Variants in SDK1 observed in about 807,000 individuals in gnomAD.
The protein encoded by SDK1 is sidekick cell adhesion molecule 1.
In SDK1, 157 loss-of-function variants were observed where a neutral mutation model predicts 245.5. The ratio of observed to expected loss-of-function variants is 0.64; its 90% CI spans 0.56 to 0.73. The LOEUF is 0.73. Ranked by LOEUF, SDK1 falls within the 30% of genes least tolerant of loss-of-function variation. The pLI is 0.00. For synonymous variants in SDK1, 1,647 were observed against 1,278.5 expected, an observed-to-expected ratio of 1.29 and a Z score of -6.15; for missense variants, 3,583 against 3,002.3, an observed-to-expected ratio of 1.19 and a Z score of -4.52.
chr7:3,888,229 T>C (rs962079583), intron 5 of SDK1, among the ~76,000 whole-genome samples: 10 of 152,236 alleles, frequency 6.6e-5, no homozygotes, highest in African/African-American at 2.4e-4. Context: ...TCCCACGTTG[T>C]TGTGAAAACT....
intron 1 of SDK1, among the ~76,000 whole-genome samples, chr7:3,534,511 A>G (rs1778813253): frequency 6.6e-6 from 1 of 152,194 alleles, no homozygotes; most frequent in South Asian, 2.1e-4. Context: ...AACAATATAT[A>G]GCATTCAAAT....
chr7:3,321,599 C>G (rs1482843477), intron 1 of SDK1, among the ~76,000 whole-genome samples: 1 of 152,116 alleles, frequency 6.6e-6, no homozygotes, highest in Non-Finnish European at 1.5e-5. Flanking sequence ...AAGTTACTTT[C>G]CAAAGAAACA....
chr7:3,305,366 C>T (rs1323386530), intron 1 of SDK1, among the ~76,000 whole-genome samples: 1 of 152,116 alleles, frequency 6.6e-6, no homozygotes, highest in Non-Finnish European at 1.5e-5. Flanking sequence ...GTTGGTTAAT[C>T]CCATAATGTC....
At chr7:3,599,809 C>T (rs1351245272) in intron 1 of SDK1, among the ~76,000 whole-genome samples, 2 of 152,158 alleles carry the variant, frequency 1.3e-5, no homozygotes, top group African/African-American at 2.4e-5. Context: ...TCTTTGATCC[C>T]TCTATGAATA....
At chr7:4,140,841 C>T (rs1779535289) in intron 28 of SDK1, among the ~76,000 whole-genome samples, 1 of 152,182 alleles carries the variant, frequency 6.6e-6, no homozygotes. Flanking sequence ...GTGGCTCATA[C>T]CTGCAATCCC....
At chr7:4,025,457 C>T (rs948760329) in intron 17 of SDK1, among the ~76,000 whole-genome samples, 2 of 152,170 alleles carry the variant, frequency 1.3e-5, no homozygotes, top group African/African-American at 4.8e-5. Context: ...TGCAGATCAC[C>T]TCTGTGCACA....
At chr7:4,237,883 C>T in intron 42 of SDK1, 99 bp downstream of exon 42, 5 of 1,405,792 alleles carry the variant, frequency 3.6e-6, no homozygotes, top group Non-Finnish European at 4.9e-6. Flanking sequence ...GTCTGCTTTT[C>T]CATTTCATTT....
At chr7:4,016,695 G>T (rs1301549111) in intron 16 of SDK1, among the ~76,000 whole-genome samples, 1 of 152,148 alleles carries the variant, frequency 6.6e-6, no homozygotes, top group African/African-American at 2.4e-5. Context: ...GCTGATTCTT[G>T]TTCTGGGATA....
intron 1 of SDK1, among the ~76,000 whole-genome samples, chr7:3,563,881 C>G (rs908523925): frequency 6.6e-6 from 1 of 151,986 alleles, no homozygotes; most frequent in Non-Finnish European, 1.5e-5. Flanking sequence ...TAAGAAATTA[C>G]TAATAAAATG....
At chr7:3,755,129 G>A (rs1250534149) in intron 4 of SDK1, among the ~76,000 whole-genome samples, 1 of 152,146 alleles carries the variant, frequency 6.6e-6, no homozygotes, top group Non-Finnish European at 1.5e-5. Flanking sequence ...CCAGAGGGGT[G>A]GGAAAGCTTC....
At chr7:3,483,035 G>A (rs1443885233) in intron 1 of SDK1, among the ~76,000 whole-genome samples, 1 of 151,280 alleles carries the variant, frequency 6.6e-6, no homozygotes, top group Non-Finnish European at 1.5e-5. Flanking sequence ...TTGTCATATT[G>A]TAAACTTTTT....
intron 5 of SDK1, among the ~76,000 whole-genome samples, chr7:3,826,444 T>G (rs1378354704): frequency 6.6e-6 from 1 of 152,252 alleles, no homozygotes; most frequent in East Asian, 1.9e-4. Context: ...TTGTTTCTTC[T>G]TGGCGACGTG....
Position 3,478,154 on chromosome 7 carries a change from G to A in SDK1, c.299-140926G>A, listed in dbSNP as rs529787904. On this transcript the variant is annotated intron_variant, in intron 1 of 44. Transcript: ENST00000404826. The stretch of plus-strand genomic sequence containing the variant: ...TTTGTAATATATTTTAATGTTTTCA[G>A]GGAAAATATCCCTCATTATTTTCCT... Among the ~76,000 whole-genome samples the A allele has an allele frequency of 1.2e-3, 178 of 152,116 alleles. 2 individuals carry two copies. The highest frequency in any genetic ancestry group is 4.1e-3 in the African/African-American group (170 of 41,502).
At chr7:3,701,915 G>A (rs1279834484) in intron 4 of SDK1, among the ~76,000 whole-genome samples, 6 of 127,158 alleles carry the variant, frequency 4.7e-5, no homozygotes, top group African/African-American at 1.3e-4. Context: ...GTGGTTGGAC[G>A]TGCATAAGCA....
chr7:3,604,252 G>A (rs555694547), intron 1 of SDK1, among the ~76,000 whole-genome samples: 30 of 152,288 alleles, frequency 2.0e-4, no homozygotes, highest in African/African-American at 6.7e-4. Flanking sequence ...AGTTTCAGAA[G>A]GATTGGTACC....
intron 4 of SDK1, among the ~76,000 whole-genome samples, chr7:3,667,289 C>T (rs1944134036): frequency 1.3e-5 from 2 of 152,190 alleles, no homozygotes; most frequent in African/African-American, 4.8e-5. Context: ...ACTGCAGCAT[C>T]TACTTATTCC....
chr7:3,600,863 A>G (rs746984045), intron 1 of SDK1, among the ~76,000 whole-genome samples: 1 of 152,092 alleles, frequency 6.6e-6, no homozygotes, highest in East Asian at 1.9e-4. Flanking sequence ...AGGTTTTTAA[A>G]AATTGATTTT....
chr7:4,178,209 T>A lies in SDK1; in HGVS notation c.4997-276T>A, dbSNP rs531065439. ...AGGGGTTGGGGACCCCTGTTCTAAATCCTTTACTTTAGAGGAGGGAGCTCC... is the reference window on the plus strand; with the variant it reads ...AGGGGTTGGGGACCCCTGTTCTAAAACCTTTACTTTAGAGGAGGGAGCTCC... On this transcript the variant is annotated intron_variant, in intron 34 of 44. Transcript: ENST00000404826. 3.3e-5 allele frequency among the ~76,000 whole-genome samples: 5 copies of A among 152,280 alleles called. No individual in the cohort carries two copies. In the East Asian group the frequency reaches 5.8e-4, roughly 18 times the overall value.
chr7:3,749,222 C>T lies in SDK1; in HGVS notation c.714-72228C>T, dbSNP rs558316016. On this transcript the variant is annotated intron_variant, in intron 4 of 44. Transcript: ENST00000404826. The stretch of plus-strand genomic sequence containing the variant: ...CATAATCTCTGCTCACTGCAACCTC[C>T]GCCTCCTGGTTTCAAGCAATTCTCC... 4.6e-5 allele frequency among the ~76,000 whole-genome samples: 7 copies of T among 151,486 alleles called. No homozygotes were observed. In the South Asian group the frequency reaches 1.3e-3, roughly 27 times the overall value.
Sources: allele counts gnomAD v4.1 joint callset (sites outside exome capture counted in the v4.1 genomes callset), GRCh38; gene constraint gnomAD v4.1.1; transcripts MANE v1.5; gene names NCBI Gene and HGNC (gene_info 2026-07-23, HGNC 2026-07-21).